SGIP1: variants seen among roughly 807,000 people sequenced by gnomAD.
The protein encoded by SGIP1 is SH3GL interacting endocytic adaptor 1.
Under a neutral mutation model 107.5 loss-of-function variants are expected in SGIP1, and 38 were observed. The ratio of observed to expected loss-of-function variants is 0.35; its 90% CI spans 0.27 to 0.46. SGIP1 has a LOEUF of 0.46. SGIP1 is among the 20% of genes least tolerant of loss of function. The probability of loss-of-function intolerance (pLI) is 1.00; values close to 1 mark genes in which losing one functional copy is unlikely to be tolerated. For synonymous variants in SGIP1, 365 were observed against 366.1 expected (o/e 1.00, Z 0.03); for missense variants, 929 against 1,019.5 (o/e 0.91, Z 1.21).
At chr1:66,605,193 A>G (rs764805901) in intron 1 of SGIP1, among the ~76,000 whole-genome samples, 1 of 152,142 alleles carries the variant, frequency 6.6e-6, no homozygotes, top group Admixed American at 6.5e-5. Context: ...CTTCTTATTT[A>G]GTGTTATTTA....
rs2094589068 is a variant in SGIP1 at position 66,748,948 on chromosome 1, C to T, written c.*5853C>T. 6.6e-6 allele frequency among the ~76,000 whole-genome samples: 1 copy of T among 151,852 alleles called. No individual in the cohort carries two copies. The highest frequency in any genetic ancestry group is 1.5e-5 in the Non-Finnish European group (1 of 67,808). ...AACCTTTGGAAAAGTTTTCTTTTAACACTAGTTTATATATCCTTCAATAAT... is the reference window on the plus strand; with the variant it reads ...AACCTTTGGAAAAGTTTTCTTTTAATACTAGTTTATATATCCTTCAATAAT... On this transcript the variant is annotated 3_prime_UTR_variant, in exon 25 of 25. Transcript: ENST00000371037.
chr1:66,686,605 G>GT (rs558971147), intron 15 of SGIP1, among the ~76,000 whole-genome samples: 3 of 152,190 alleles, frequency 2.0e-5, no homozygotes, highest in Non-Finnish European at 4.4e-5. Context: ...CCTTTGTTCA[G>GT]TTGTGAAATA....
At chr1:66,705,180 G>T (rs1310760324) in intron 18 of SGIP1, among the ~76,000 whole-genome samples, 1 of 152,162 alleles carries the variant, frequency 6.6e-6, no homozygotes, top group Non-Finnish European at 1.5e-5. Flanking sequence ...CATGGACTTT[G>T]TGTTCTCTTC....
chr1:66,734,304 T>TA (rs1290202367), intron 21 of SGIP1, among the ~76,000 whole-genome samples: 2 of 152,108 alleles, frequency 1.3e-5, no homozygotes, highest in African/African-American at 4.8e-5. Flanking sequence ...AGAATTCTAA[T>TA]AAAATCTAAC....
intron 1 of SGIP1, among the ~76,000 whole-genome samples, chr1:66,613,486 T>G (rs988734509): frequency 6.6e-6 from 1 of 152,084 alleles, no homozygotes; most frequent in Non-Finnish European, 1.5e-5. Flanking sequence ...CATACCACTA[T>G]GCCCAGCTAT....
At chr1:66,588,215 A>G (rs1368280965) in intron 1 of SGIP1, among the ~76,000 whole-genome samples, 1 of 152,140 alleles carries the variant, frequency 6.6e-6, no homozygotes, top group Non-Finnish European at 1.5e-5. Context: ...TAGGATCACT[A>G]ACTAAAGAAA....
At chr1:66,564,970 T>C (rs2059446230) in intron 1 of SGIP1, among the ~76,000 whole-genome samples, 1 of 151,960 alleles carries the variant, frequency 6.6e-6, no homozygotes, top group Non-Finnish European at 1.5e-5. Context: ...TAATGATCAG[T>C]CCTCATTTTC....
intron 7 of SGIP1, among the ~76,000 whole-genome samples, chr1:66,655,418 T>G (rs1054908851): frequency 2.6e-5 from 4 of 152,188 alleles, no homozygotes; most frequent in Non-Finnish European, 5.9e-5. Context: ...CTGAACCCCT[T>G]TATTTGCTCT....
chr1:66,646,295 T>C (rs185329547), intron 7 of SGIP1, among the ~76,000 whole-genome samples: 24 of 152,322 alleles, frequency 1.6e-4, no homozygotes, highest in Admixed American at 5.2e-4. Flanking sequence ...TATACATCTA[T>C]ACTTTCTTCA....
intron 7 of SGIP1, among the ~76,000 whole-genome samples, chr1:66,646,407 A>G (rs2077675683): frequency 6.6e-6 from 1 of 152,234 alleles, no homozygotes; most frequent in Admixed American, 6.5e-5. Flanking sequence ...CATTACATTA[A>G]TAGAAATGAG....
chr1:66,675,441 T>A (rs2084968972), intron 12 of SGIP1, among the ~76,000 whole-genome samples: 2 of 152,062 alleles, frequency 1.3e-5, no homozygotes, highest in Non-Finnish European at 1.5e-5. Flanking sequence ...GCTTTTTCGA[T>A]ACCCACACTT....
chr1:66,580,960 C>T (rs940903608), intron 1 of SGIP1, among the ~76,000 whole-genome samples: 2 of 152,056 alleles, frequency 1.3e-5, no homozygotes, highest in Non-Finnish European at 2.9e-5. Context: ...GTATTTATTT[C>T]TTCATTTGTT....
intron 15 of SGIP1, among the ~76,000 whole-genome samples, chr1:66,684,724 G>A (rs1158795830): frequency 1.3e-5 from 2 of 152,160 alleles, no homozygotes; most frequent in Non-Finnish European, 2.9e-5. Context: ...TAAAGCTCTC[G>A]AAGATATTTG....
intron 1 of SGIP1, among the ~76,000 whole-genome samples, chr1:66,535,659 C>T (rs933609108): frequency 6.6e-6 from 1 of 152,142 alleles, no homozygotes; most frequent in East Asian, 1.9e-4. Context: ...TGTTATGGAG[C>T]TGAGTCTTGT....
At chr1:66,598,104 A>G (rs562935403) in intron 1 of SGIP1, among the ~76,000 whole-genome samples, 46 of 152,322 alleles carry the variant, frequency 3.0e-4, no homozygotes, top group African/African-American at 1.1e-3. Flanking sequence ...AGCAACCTTA[A>G]GTGTTAAAGA....
intron 1 of SGIP1, among the ~76,000 whole-genome samples, chr1:66,605,629 C>A (rs998932579): frequency 2.6e-5 from 4 of 151,532 alleles, no homozygotes; most frequent in Admixed American, 2.0e-4. Context: ...ACAAACACAG[C>A]CCAAACAATG....
At chr1:66,695,038 G>T in intron 17 of SGIP1, 1 of 331,762 alleles carries the variant, frequency 3.0e-6, no homozygotes, top group East Asian at 5.1e-5. Context: ...TTATCTTTTT[G>T]GAAACATAGA....
chr1:66,571,385 AG>A (rs1300721004), intron 1 of SGIP1, among the ~76,000 whole-genome samples: 1 of 152,052 alleles, frequency 6.6e-6, no homozygotes, highest in Non-Finnish European at 1.5e-5. Context: ...ACTATTAAAA[AG>A]ATATGAGACA....
chr1:66,679,930 G>A (rs1454186237), intron 14 of SGIP1, among the ~76,000 whole-genome samples, 178 bp downstream of exon 14: 1 of 152,042 alleles, frequency 6.6e-6, no homozygotes, highest in African/African-American at 2.4e-5. Context: ...CCACTTCCAG[G>A]TTTCACACAC....
Sources: allele counts gnomAD v4.1 joint callset (sites outside exome capture counted in the v4.1 genomes callset), GRCh38; gene constraint gnomAD v4.1.1; transcripts MANE v1.5; gene names NCBI Gene and HGNC (gene_info 2026-07-23, HGNC 2026-07-21).